Variants in POU6F2 observed in about 807,000 individuals in gnomAD.
POU6F2 encodes POU domain, class 6, transcription factor 2.
A neutral mutation model predicts 71.3 loss-of-function variants in POU6F2; 31 were observed. The observed-to-expected ratio is 0.43, with a 90% CI of 0.33 to 0.59. The LOEUF (loss-of-function observed/expected upper bound fraction) is 0.59. Among genes scored for constraint, POU6F2 ranks in the 20% least tolerant of loss-of-function variants. The pLI is 0.04. For synonymous variants in POU6F2, 347 were observed against 355.7 expected, an observed-to-expected ratio of 0.98 and a Z score of 0.27; for missense variants, 783 against 856.8, an observed-to-expected ratio of 0.91 and a Z score of 1.07.
intron 5 of POU6F2, among the ~76,000 whole-genome samples, chr7:39,396,955 T>G (rs1583572481): frequency 6.8e-6 from 1 of 146,818 alleles, no homozygotes; most frequent in Non-Finnish European, 1.5e-5. Flanking sequence ...CCAAATAACC[T>G]CAAACCAAGA....
intron 5 of POU6F2, among the ~76,000 whole-genome samples, chr7:39,381,651 T>A (rs182138473): frequency 7.6e-4 from 116 of 152,320 alleles, no homozygotes; most frequent in Non-Finnish European, 1.6e-4. Flanking sequence ...AGAACCCCAA[T>A]GAAGTCTTTT....
chr7:39,181,571 A>G (rs1036479775), intron 2 of POU6F2, among the ~76,000 whole-genome samples: 6 of 152,122 alleles, frequency 3.9e-5, no homozygotes, highest in Non-Finnish European at 7.4e-5. Flanking sequence ...AACTCATTAC[A>G]CAACTTGCGC....
At chr7:39,384,534 TA>T (rs766072454) in intron 5 of POU6F2, among the ~76,000 whole-genome samples, 1 of 150,826 alleles carries the variant, frequency 6.6e-6, no homozygotes, top group Non-Finnish European at 1.5e-5. Flanking sequence ...ATGTATTTGC[TA>T]TAAATTAAAA....
intron 4 of POU6F2, among the ~76,000 whole-genome samples, chr7:39,241,318 G>A (rs996341826): frequency 9.9e-5 from 15 of 152,262 alleles, no homozygotes; most frequent in Middle Eastern, 3.4e-3. Context: ...TTAATAAATA[G>A]CTGTTCAATA....
chr7:39,063,306 C>T (rs550361256), intron 1 of POU6F2, among the ~76,000 whole-genome samples: 54 of 152,124 alleles, frequency 3.5e-4, no homozygotes, highest in African/African-American at 1.2e-3. Context: ...CCTGAGAGTT[C>T]GAGATCAGCT....
intron 4 of POU6F2, among the ~76,000 whole-genome samples, chr7:39,318,976 C>CTAAAAAAATT (rs1326440127): frequency 6.6e-6 from 1 of 152,066 alleles, no homozygotes; most frequent in African/African-American, 2.4e-5. Context: ...GACTCCATCT[C>CTAAAAAAATT]TAAAAAAATT....
intron 1 of POU6F2, among the ~76,000 whole-genome samples, chr7:38,992,852 C>A (rs1378354957): frequency 1.3e-5 from 2 of 152,066 alleles, no homozygotes; most frequent in African/African-American, 2.4e-5. Context: ...TTTCATTTTT[C>A]TACAGTCTGG....
chr7:39,271,494 GAAA>G (rs36038013), intron 4 of POU6F2, among the ~76,000 whole-genome samples: 66,241 of 136,690 alleles, frequency 0.48, 16,734 homozygotes, highest in East Asian at 0.68. Flanking sequence ...CTCAATCAGT[GAAA>G]AAAAAAAAAA....
At chr7:39,193,719 A>G (rs937153180) in intron 2 of POU6F2, among the ~76,000 whole-genome samples, 4 of 152,226 alleles carry the variant, frequency 2.6e-5, no homozygotes, top group Non-Finnish European at 5.9e-5. Flanking sequence ...GATGGCAGCT[A>G]TTGCAAAATG....
At position 39,038,666 on chromosome 7, in the gene POU6F2, C is replaced by T. The variant is rs142198203; in HGVS notation, c.106-47194C>T. Among the ~76,000 whole-genome samples, 294 of 152,138 alleles carry T rather than the reference C, an allele frequency of 1.9e-3. 2 individuals are homozygous for T. Among genetic ancestry groups the T allele is most frequent in the African/African-American group, 6.9e-3 (287 of 41,538 alleles). ...TTCTTGTGTATCCCTTTAAAAACCT[C>T]TTTAGTAATGCTGTTAAACTGCTGA... On this transcript the variant is annotated intron_variant, in intron 1 of 9. Transcript: ENST00000518318.
chr7:38,984,402 G>T (rs995520909), intron 1 of POU6F2: 2 of 152,046 alleles, frequency 1.3e-5, no homozygotes, highest in East Asian at 3.8e-4. Flanking sequence ...GGCAGGAAAG[G>T]GCACTGGAAA....
intron 2 of POU6F2, among the ~76,000 whole-genome samples, chr7:39,175,569 T>G (rs750900369): frequency 2.6e-5 from 4 of 152,158 alleles, no homozygotes; most frequent in Non-Finnish European, 5.9e-5. Context: ...TAATTTTGTT[T>G]AAAATCAGAA....
chr7:39,124,375 G>A (rs1461639583), intron 2 of POU6F2, among the ~76,000 whole-genome samples: 1 of 152,108 alleles, frequency 6.6e-6, no homozygotes, highest in East Asian at 1.9e-4. Flanking sequence ...CACATTTTCA[G>A]AGATGAAATT....
chr7:39,215,533 G>T (rs775051214), intron 4 of POU6F2, among the ~76,000 whole-genome samples: 13 of 152,040 alleles, frequency 8.6e-5, no homozygotes, highest in Non-Finnish European at 1.6e-4. Flanking sequence ...ATTTATTTTT[G>T]TTTTTCTATT....
At chr7:39,211,494 T>G (rs1794142162) in intron 4 of POU6F2, among the ~76,000 whole-genome samples, 1 of 152,154 alleles carries the variant, frequency 6.6e-6, no homozygotes, top group Non-Finnish European at 1.5e-5. Flanking sequence ...CCAATGAAAG[T>G]TTTGCTTTGC....
chr7:39,096,484 G>T (rs1237531320), intron 2 of POU6F2, among the ~76,000 whole-genome samples: 2 of 152,132 alleles, frequency 1.3e-5, no homozygotes, highest in African/African-American at 4.8e-5. Context: ...CTCTCCCAGG[G>T]ATGTGATGCT....
At position 39,020,132 on chromosome 7, in the gene POU6F2, A is replaced by G. The variant is rs528655391; in HGVS notation, c.105+42074A>G. ...GACCCCCCAAAAAAGCTAGCTCCCA[A>G]TCTGGGGTCTTATCCTTCATTCTAG... On this transcript the variant is annotated intron_variant, in intron 1 of 9. Coordinates refer to ENST00000518318, the MANE Select transcript of POU6F2 (RefSeq NM_001370959.1). Among the ~76,000 whole-genome samples, 9 of 152,196 alleles carry G rather than the reference A, an allele frequency of 5.9e-5. 1 individual carries two copies. In the South Asian group the frequency reaches 1.2e-3, roughly 21 times the overall value.
chr7:39,191,889 G>C (rs1793677616), intron 2 of POU6F2, among the ~76,000 whole-genome samples: 1 of 152,158 alleles, frequency 6.6e-6, no homozygotes, highest in African/African-American at 2.4e-5. Flanking sequence ...TGGACTAATT[G>C]TTTGGCTGGT....
Position 39,339,820 on chromosome 7 carries a change from C to T in POU6F2, c.777C>T (p.Pro259=), listed in dbSNP as rs753155325. Residue 259 remains proline, a synonymous_variant, in exon 5 of 10, where the codon CCC becomes CCT. Coordinates refer to ENST00000518318, the MANE Select transcript of POU6F2 (RefSeq NM_001370959.1). ...LQPTPPQQPP[P]ASQQPPAPTS... ...CCACCCCACCCCAGCAGCCACCACC[C>T]GCCTCTCAGCAGCCGCCAGCTCCTA... 9.5e-6 allele frequency: 15 copies of T among 1,580,810 alleles called. No individual in the cohort carries two copies. Among genetic ancestry groups the T allele is most frequent in the Middle Eastern group, 1.7e-4 (1 of 6,042 alleles).
Sources: gnomAD v4.1 joint callset for allele counts (sites outside exome capture counted in the v4.1 genomes callset) on GRCh38, gnomAD v4.1.1 for gene constraint, MANE v1.5 for transcripts, NCBI Gene and HGNC (gene_info 2026-07-23, HGNC 2026-07-21) for gene names.